Variants in CDH18 observed in about 807,000 individuals in gnomAD.
CDH18 encodes the protein cadherin 18, also known as cadherin-18.
A neutral mutation model predicts 67.9 loss-of-function variants in CDH18; 31 were observed. The ratio of observed to expected loss-of-function variants is 0.46; its 90% CI spans 0.34 to 0.62. The LOEUF is 0.62. Among genes scored for constraint, CDH18 ranks in the 20% least tolerant of loss-of-function variants. The pLI, the probability that CDH18 is intolerant of heterozygous loss-of-function variation, is 0.01. For missense variants in CDH18, 890 were observed against 975.5 expected (o/e 0.91, Z 1.17); for synonymous variants, 362 against 347.2 (o/e 1.04, Z -0.48).
intron 11 of CDH18, among the ~76,000 whole-genome samples, chr5:19,501,168 T>C (rs1352541376): frequency 6.8e-6 from 1 of 148,018 alleles, no homozygotes; most frequent in Non-Finnish European, 1.5e-5. Context: ...CATTTACATA[T>C]ATATAAAAAT....
intron 1 of CDH18, among the ~76,000 whole-genome samples, chr5:20,344,304 C>G (rs1740524195): frequency 6.6e-6 from 1 of 152,128 alleles, no homozygotes; most frequent in South Asian, 2.1e-4. Flanking sequence ...CCTCAACAGA[C>G]AGCTTCTCTC....
chr5:20,266,144 C>T (rs1745015465), intron 1 of CDH18, among the ~76,000 whole-genome samples: 4 of 152,176 alleles, frequency 2.6e-5, no homozygotes, highest in Admixed American at 2.6e-4. Context: ...TTTCCTCAGT[C>T]TCCAACTTGC....
At chr5:20,349,670 C>T (rs934330126) in intron 1 of CDH18, among the ~76,000 whole-genome samples, 6 of 152,124 alleles carry the variant, frequency 3.9e-5, no homozygotes, top group Non-Finnish European at 8.8e-5. Flanking sequence ...TGTTTTAGCT[C>T]CTTATCTGTC....
intron 1 of CDH18, among the ~76,000 whole-genome samples, chr5:20,396,408 C>A (rs1353486304): frequency 4.8e-4 from 71 of 148,784 alleles, no homozygotes; most frequent in East Asian, 3.9e-4. Context: ...GTTTATAAAG[C>A]AAAAAAAAAA....
chr5:20,454,536 T>C (rs184049106), intron 1 of CDH18, among the ~76,000 whole-genome samples: 199 of 152,218 alleles, frequency 1.3e-3, no homozygotes, highest in African/African-American at 4.4e-3. Flanking sequence ...ATTCCAAATA[T>C]AGGAAAAGAA....
intron 1 of CDH18, among the ~76,000 whole-genome samples, chr5:20,365,895 T>C (rs1742476035): frequency 6.6e-6 from 1 of 152,216 alleles, no homozygotes; most frequent in Non-Finnish European, 1.5e-5. Flanking sequence ...GCTACTTCTA[T>C]AGACAGCTTT....
At chr5:19,555,288 G>A (rs79648580) in intron 8 of CDH18, among the ~76,000 whole-genome samples, 5,722 of 152,282 alleles carry the variant, frequency 0.038, 156 homozygotes, top group East Asian at 0.059. Context: ...CTTTGAAAGA[G>A]GTGGACTGCA....
intron 4 of CDH18, among the ~76,000 whole-genome samples, chr5:19,742,362 A>G (rs1333190863): frequency 6.6e-6 from 1 of 152,014 alleles, no homozygotes; most frequent in Non-Finnish European, 1.5e-5. Flanking sequence ...TATTATTTGC[A>G]TGATCTTCCT....
intron 4 of CDH18, among the ~76,000 whole-genome samples, chr5:19,743,921 CAAAAAAAAA>C (rs140476096): frequency 1.5e-5 from 1 of 65,904 alleles, no homozygotes; most frequent in African/African-American, 6.5e-5. Context: ...ACTCTTGTCT[CAAAAAAAAA>C]AAAAAAAAAA....
chr5:19,808,320 A>AC (rs1413086185), intron 3 of CDH18, among the ~76,000 whole-genome samples: 49 of 149,318 alleles, frequency 3.3e-4, no homozygotes, highest in African/African-American at 1.1e-3. Flanking sequence ...AACAACAACA[A>AC]AAAAAAAACA....
At chr5:20,120,436 A>G (rs1251697825) in intron 2 of CDH18, among the ~76,000 whole-genome samples, 1 of 152,130 alleles carries the variant, frequency 6.6e-6, no homozygotes, top group East Asian at 1.9e-4. Flanking sequence ...AGATATATAA[A>G]CTGGGGCACA....
intron 2 of CDH18, among the ~76,000 whole-genome samples, chr5:20,200,736 T>C (rs1739386061): frequency 6.6e-6 from 1 of 151,996 alleles, no homozygotes; most frequent in African/African-American, 2.4e-5. Context: ...CCAAGTCCCA[T>C]GCCAAAAGGA....
At chr5:20,403,711 G>T (rs1230644667) in intron 1 of CDH18, among the ~76,000 whole-genome samples, 2 of 152,196 alleles carry the variant, frequency 1.3e-5, no homozygotes, top group Non-Finnish European at 2.9e-5. Context: ...AACACAGGCA[G>T]AGTAGATTTA....
intron 1 of CDH18, among the ~76,000 whole-genome samples, chr5:20,309,499 C>T (rs1399193362): frequency 6.6e-6 from 1 of 151,964 alleles, no homozygotes; most frequent in Non-Finnish European, 1.5e-5. Context: ...AATTCAAAAC[C>T]CACATGTGAC....
At chr5:20,352,910 A>G (rs1327535377) in intron 1 of CDH18, among the ~76,000 whole-genome samples, 1 of 152,214 alleles carries the variant, frequency 6.6e-6, no homozygotes, top group African/African-American at 2.4e-5. Flanking sequence ...ATCTTATAAT[A>G]AGCTAGAATT....
intron 2 of CDH18, among the ~76,000 whole-genome samples, chr5:20,210,883 A>C (rs1740300703): frequency 6.6e-6 from 1 of 152,036 alleles, no homozygotes; most frequent in Admixed American, 6.6e-5. Flanking sequence ...TGACTACTAC[A>C]TTTTTATTGT....
chr5:20,477,393 G>A (rs1456784554), intron 1 of CDH18, among the ~76,000 whole-genome samples: 1 of 152,206 alleles, frequency 6.6e-6, no homozygotes, highest in Non-Finnish European at 1.5e-5. Flanking sequence ...ACTGAAAACA[G>A]TAGAAAAGAC....
chr5:20,335,237 T>C (rs1739614308), intron 1 of CDH18, among the ~76,000 whole-genome samples: 1 of 152,144 alleles, frequency 6.6e-6, no homozygotes, highest in South Asian at 2.1e-4. Context: ...TTTTCTAACA[T>C]GCTAAGTCTC....
At chr5:20,066,667 C>T (rs1301463177) in intron 2 of CDH18, among the ~76,000 whole-genome samples, 1 of 151,806 alleles carries the variant, frequency 6.6e-6, no homozygotes, top group African/African-American at 2.4e-5. Context: ...ATAAATTTTT[C>T]ATACTTTTTT....
Sources: gnomAD v4.1 joint callset for allele counts (sites outside exome capture counted in the v4.1 genomes callset) on GRCh38, gnomAD v4.1.1 for gene constraint, MANE v1.5 for transcripts, NCBI Gene and HGNC (gene_info 2026-07-23, HGNC 2026-07-21) for gene names.